The following KIF26A variants were observed in gnomAD, a reference collection of about 807,000 sequenced individuals.
KIF26A encodes the protein kinesin-like protein KIF26A.
KIF26A carries 74 observed loss-of-function variants against 126.0 expected under a neutral mutation model. The ratio of observed to expected loss-of-function variants is 0.59; its 90% CI spans 0.49 to 0.71. The LOEUF (loss-of-function observed/expected upper bound fraction) is 0.71. Ranked by LOEUF, KIF26A falls within the 30% of genes least tolerant of loss-of-function variation. The pLI, the probability that KIF26A is intolerant of heterozygous loss-of-function variation, is 0.00. For synonymous variants in KIF26A, 1,445 were observed against 1,232.7 expected, an observed-to-expected ratio of 1.17 and a Z score of -3.61; for missense variants, 2,984 against 2,763.3, an observed-to-expected ratio of 1.08 and a Z score of -1.79.
rs779146324 is a variant in KIF26A, at chr14:104,173,456, ATGT to A, written c.1815_1817del (p.Leu605del). 3 of 1,589,964 alleles carry A rather than the reference ATGT, an allele frequency of 1.9e-6. No homozygotes were observed. The highest frequency in any genetic ancestry group is 1.7e-6 in the Non-Finnish European group (2 of 1,166,928). The stretch of plus-strand genomic sequence containing the variant: ...CGAGGACGCCCGACGCAGCTCCCAC[ATGT>A]TGTTCACGCTGCACGTCTACCAGTA... On this transcript the variant is annotated inframe_deletion, in exon 9 of 15. Coordinates refer to ENST00000423312, the MANE Select transcript of KIF26A (RefSeq NM_015656.2).
chr14:104,153,338 C>A (rs1201975160), intron 3 of KIF26A, among the ~76,000 whole-genome samples: 1 of 152,126 alleles, frequency 6.6e-6, no homozygotes, highest in Non-Finnish European at 1.5e-5. Flanking sequence ...AACTTCTGGA[C>A]ACCCCCCGGG....
At chr14:104,141,625 G>A (rs1032861234) in intron 2 of KIF26A, among the ~76,000 whole-genome samples, 2 of 151,028 alleles carry the variant, frequency 1.3e-5, no homozygotes, top group Non-Finnish European at 2.9e-5. Context: ...CTCCCTGCCT[G>A]TCTCCGTTGT....
intron 4 of KIF26A, among the ~76,000 whole-genome samples, chr14:104,165,331 G>A (rs544527391): frequency 1.3e-4 from 19 of 144,088 alleles, no homozygotes; most frequent in Middle Eastern, 3.5e-3. Context: ...GCATGTGTGC[G>A]TCTGTGTGTC....
At chr14:104,178,868 C>A (rs2038067642) in intron 13 of KIF26A, 113 bp downstream of exon 13, 1 of 650,388 alleles carries the variant, frequency 1.5e-6, no homozygotes, top group Admixed American at 3.2e-5. Context: ...GCTGGGCAGC[C>A]CCTGACCTCA....
chr14:104,177,813 C>A lies in KIF26A; in HGVS notation c.5025C>A (p.Ser1675=). ...GCGAGGCCACCGGCAGCGCCTCCTC[C>A]GCCCCTGACTCCATGAGCGAGAGTG... ...RDSEATGSAS[S]APDSMSESGA... The change falls in exon 12 of 15, where the codon TCC becomes TCA. Residue 1675 remains serine (S), a synonymous_variant. Coordinates refer to ENST00000423312, the MANE Select transcript of KIF26A (RefSeq NM_015656.2). 1 of 1,566,942 alleles carries A rather than the reference C, an allele frequency of 6.4e-7. No individual in the cohort carries two copies. Among genetic ancestry groups the A allele is most frequent in the Non-Finnish European group, 8.6e-7 (1 of 1,164,622 alleles).
rs774947519 is a variant in KIF26A at position 104,177,108 on chromosome 14, G to T, written c.4320G>T (p.Arg1440=). 17 of 1,597,418 alleles carry T rather than the reference G, an allele frequency of 1.1e-5. No homozygotes were observed. In the East Asian group the frequency reaches 3.8e-4, roughly 36 times the overall value. ...TTGCCGGACACGCGTCTCTGGAGCG[G>T]TACGAAGGCCTGGCGCACAGCAGCA... ...HRLAGHASLE[R]YEGLAHSSSK... The change falls in exon 12 of 15, where the codon CGG becomes CGT. Residue 1440 remains arginine, a synonymous_variant. Coordinates refer to ENST00000423312, the MANE Select transcript of KIF26A (RefSeq NM_015656.2).
rs1252415350 is a variant in KIF26A, at chr14:104,176,055, G to A, written c.3267G>A (p.Gln1089=). 1 of 1,595,952 alleles carries A rather than the reference G, an allele frequency of 6.3e-7. No individual in the cohort carries two copies. The highest frequency in any genetic ancestry group is 2.3e-5 in the East Asian group (1 of 44,386). ...ATGAGTTTGACGCCTACACCTCTCAGGCCCCTGAGGGGGGGCCCCTGGAGG... is the reference window on the plus strand; with the variant it reads ...ATGAGTTTGACGCCTACACCTCTCAAGCCCCTGAGGGGGGGCCCCTGGAGG... The part of the protein sequence containing the change: ...INDEFDAYTS[Q]APEGGPLEGA... Residue 1089 remains glutamine, a synonymous_variant, in exon 12 of 15, where the codon CAG becomes CAA. Transcript: ENST00000423312.
chr14:104,153,532 A>ACGAGG (rs2037749681), intron 3 of KIF26A, among the ~76,000 whole-genome samples: 6 of 111,250 alleles, frequency 5.4e-5, no homozygotes, highest in South Asian at 3.1e-4. Flanking sequence ...CACCCTTGCC[A>ACGAGG]TGAGGTGCCT....
At chr14:104,159,681 C>A (rs1177435545) in intron 4 of KIF26A, among the ~76,000 whole-genome samples, 1 of 152,222 alleles carries the variant, frequency 6.6e-6, no homozygotes, top group Non-Finnish European at 1.5e-5. Flanking sequence ...TGCCGGCTGC[C>A]ATTACTTCCA....
chr14:104,164,043 C>T (rs561080122), intron 4 of KIF26A, among the ~76,000 whole-genome samples: 1 of 152,286 alleles, frequency 6.6e-6, no homozygotes, highest in East Asian at 1.9e-4. Context: ...TTTTACTTTC[C>T]ACGATGACAC....
rs4906422 is a variant in KIF26A at position 104,175,275 on chromosome 14, T to C, written c.2487T>C (p.Gly829=). ...PALSRHRPSK[G]PRDADHFRCS... is the part of the protein sequence containing the mutation. The stretch of plus-strand genomic sequence containing the variant: ...TGAGCCGCCACCGGCCCTCCAAGGG[T>C]CCCCGAGACGCAGACCACTTCCGCT... The change falls in exon 12 of 15, where the codon GGT becomes GGC. Residue 829 remains glycine (G), a synonymous_variant. Transcript: ENST00000423312. The C allele has an allele frequency of 0.32, 508,392 of 1,604,668 alleles. 83,249 individuals are homozygous for C. The highest frequency in any genetic ancestry group is 0.44 in the East Asian group (19,556 of 44,800).
chr14:104,173,892 G>A (rs1295203679), intron 10 of KIF26A, 24 bp downstream of exon 10: 1 of 1,551,514 alleles, frequency 6.4e-7, no homozygotes, highest in Non-Finnish European at 8.7e-7. Flanking sequence ...CTGGGCAGGT[G>A]CCGACCAGGG....
At position 104,175,066 on chromosome 14, in the gene KIF26A, C is replaced by T. The variant is rs747228794; in HGVS notation, c.2278C>T (p.Arg760Cys). The T allele has an allele frequency of 7.7e-5, 123 of 1,588,276 alleles. 1 individual carries two copies. Among genetic ancestry groups the T allele is most frequent in the Middle Eastern group, 6.6e-4 (4 of 6,036 alleles). Residue 760 changes from arginine to cysteine, a missense_variant, in exon 12 of 15, where the codon CGC becomes TGC. Coordinates refer to ENST00000423312, the MANE Select transcript of KIF26A (RefSeq NM_015656.2). ...CCCGCACCTGCGGCCCTTCCACCCA[C>T]GCACTGTGGCCCTGGACCCCGACCG... ...RPPHLRPFHP[R>C]TVALDPDRTP...
intron 2 of KIF26A, among the ~76,000 whole-genome samples, chr14:104,144,082 C>A (rs1484691271): frequency 6.6e-6 from 1 of 152,222 alleles, no homozygotes; most frequent in Non-Finnish European, 1.5e-5. Flanking sequence ...GCTTTCTCTT[C>A]CCTGGACAGG....
chr14:104,151,734 C>G lies in KIF26A; in HGVS notation c.289-281C>G, dbSNP rs2037731332. On this transcript the variant is annotated intron_variant, in intron 2 of 14. Coordinates refer to ENST00000423312, the MANE Select transcript of KIF26A (RefSeq NM_015656.2). This position sits in a 1 kb window ranked among gnomAD's most constrained non-coding sequence, Gnocchi z 4.9. Reference sequence around the variant, plus strand: ...TGACAGTGGTCCGGTTGTCCGGGAGCCGCAAACCTGCCTTGTTAGCCGCAG... The same window carrying G: ...TGACAGTGGTCCGGTTGTCCGGGAGGCGCAAACCTGCCTTGTTAGCCGCAG... 2.6e-5 allele frequency among the ~76,000 whole-genome samples: 4 copies of G among 152,348 alleles called. No individual in the cohort carries two copies. The South Asian group carries it at 8.3e-4, about 32-fold the overall frequency.
chr14:104,166,787 T>C, intron 4 of KIF26A, 72 bp from the exon 5 acceptor site: 1 of 1,371,040 alleles, frequency 7.3e-7, no homozygotes, highest in Non-Finnish European at 9.8e-7. Flanking sequence ...GATCGCCTGG[T>C]GACTCGCAGG....
In KIF26A at chr14:104,167,029, A is replaced by G. The variant is rs537158085; in HGVS notation, c.1094A>G (p.Asn365Ser). ...AGGGCCGCCTCCAAGACCAAGGACA[A>G]CCCTGGCAGCATCGGGAAGGTAGAC... The part of the protein sequence containing the change: ...LLRAASKTKD[N>S]PGSIGKVKVM... Residue 365 changes from asparagine (N) to serine (S), a missense_variant, in exon 5 of 15, where the codon AAC (asparagine) becomes AGC (serine). Coordinates refer to ENST00000423312, the MANE Select transcript of KIF26A (RefSeq NM_015656.2). 58 of 1,567,352 alleles carry G rather than the reference A, an allele frequency of 3.7e-5. No homozygotes were observed. The East Asian group carries it at 1.2e-3, about 33-fold the overall frequency.
At chr14:104,157,998 G>A in intron 4 of KIF26A, 56 bp downstream of exon 4, 3 of 1,437,900 alleles carry the variant, frequency 2.1e-6, no homozygotes, top group Middle Eastern at 2.4e-4. Flanking sequence ...GGCCCCGGCT[G>A]TGGGCCCCTG....
chr14:104,160,620 C>T (rs2037824360), intron 4 of KIF26A, among the ~76,000 whole-genome samples: 1 of 152,158 alleles, frequency 6.6e-6, no homozygotes, highest in South Asian at 2.1e-4. Flanking sequence ...CCGGGTGGCC[C>T]CGGGGTTAGG....
Sources: allele counts gnomAD v4.1 joint callset (sites outside exome capture counted in the v4.1 genomes callset), GRCh38; gene constraint gnomAD v4.1.1; non-coding constraint Gnocchi (gnomAD v3.1); transcripts MANE v1.5; gene names NCBI Gene and HGNC (gene_info 2026-07-23, HGNC 2026-07-21).